CADM2: variants seen among roughly 807,000 people sequenced by gnomAD.
The protein encoded by CADM2 is cell adhesion molecule 2, also known as immunoglobulin superfamily member 4D.
Under a neutral mutation model 49.8 loss-of-function variants are expected in CADM2, and 12 were observed. The ratio of observed to expected loss-of-function variants is 0.24; its 90% confidence interval spans 0.15 to 0.39. The LOEUF (loss-of-function observed/expected upper bound fraction) is 0.39. CADM2 is among the 10% of genes least tolerant of loss of function. The probability of loss-of-function intolerance (pLI) is 1.00; values close to 1 mark genes in which losing one functional copy is unlikely to be tolerated. For synonymous variants in CADM2, 214 were observed against 175.4 expected (o/e 1.22, Z -1.74); for missense variants, 378 against 492.3 (o/e 0.77, Z 2.20).
intron 2 of CADM2, among the ~76,000 whole-genome samples, chr3:85,763,262 A>G (rs565939562): frequency 3.9e-5 from 6 of 152,278 alleles, no homozygotes; most frequent in African/African-American, 1.4e-4. Flanking sequence ...TCCAACTATG[A>G]TTATTTGGTA....
chr3:85,009,725 G>T (rs192776953), intron 1 of CADM2, among the ~76,000 whole-genome samples: 1 of 151,840 alleles, frequency 6.6e-6, no homozygotes, highest in Non-Finnish European at 1.5e-5. Context: ...AATCAACTGG[G>T]TGTGGCAGCG....
intron 8 of CADM2, among the ~76,000 whole-genome samples, chr3:85,970,537 G>GTT (rs955476671): frequency 3.5e-4 from 53 of 151,462 alleles, no homozygotes; most frequent in African/African-American, 1.2e-3. Flanking sequence ...TAAATTATAG[G>GTT]TTAGCAAGGT....
chr3:85,304,879 ACTCT>A (rs2044178001), intron 1 of CADM2, among the ~76,000 whole-genome samples: 1 of 151,586 alleles, frequency 6.6e-6, no homozygotes, highest in African/African-American at 2.4e-5. Context: ...TTTACTTATG[ACTCT>A]CTATTTCCAT....
rs527515511 is a variant in CADM2, at chr3:85,029,328, C to T, written c.61+69660C>T. On this transcript the variant is annotated intron_variant, in intron 1 of 9. Coordinates refer to ENST00000383699, the MANE Select transcript of CADM2 (RefSeq NM_001167675.2). ...ATTCATGCTTGGCATTTCATAAATC[C>T]AAAGAAAATTCTAAGTGTGAAAAAA... 2.3e-3 allele frequency among the ~76,000 whole-genome samples: 343 copies of T among 152,130 alleles called. 2 individuals are homozygous for T. The highest frequency in any genetic ancestry group is 3.8e-3 in the Non-Finnish European group (261 of 67,966).
chr3:86,012,460 G>A, intron 8 of CADM2: 1 of 633,626 alleles, frequency 1.6e-6, no homozygotes, highest in Non-Finnish European at 2.4e-6. Flanking sequence ...CGGCCCTGCA[G>A]AGCCGGCCGA....
chr3:86,058,084 T>G (rs114836408), intron 8 of CADM2, among the ~76,000 whole-genome samples: 2 of 152,294 alleles, frequency 1.3e-5, no homozygotes, highest in African/African-American at 4.8e-5. Context: ...CTGACACAGA[T>G]TAAATACTCA....
intron 3 of CADM2, among the ~76,000 whole-genome samples, chr3:85,817,446 T>C (rs1274161813): frequency 6.6e-6 from 1 of 152,128 alleles, no homozygotes; most frequent in Non-Finnish European, 1.5e-5. Flanking sequence ...CTCAGTGAGA[T>C]TGAATGGGCT....
At chr3:85,778,887 C>G (rs964796572) in intron 2 of CADM2, among the ~76,000 whole-genome samples, 1 of 152,164 alleles carries the variant, frequency 6.6e-6, no homozygotes, top group Non-Finnish European at 1.5e-5. Context: ...TAAAGACACA[C>G]TCTTCATACA....
chr3:85,431,634 T>A (rs1487944717), intron 1 of CADM2, among the ~76,000 whole-genome samples: 1 of 151,202 alleles, frequency 6.6e-6, no homozygotes, highest in African/African-American at 2.4e-5. Context: ...AAGGATTTAT[T>A]TGGAGCCTAA....
At chr3:85,982,795 T>C (rs1727638186) in intron 8 of CADM2, among the ~76,000 whole-genome samples, 1 of 151,632 alleles carries the variant, frequency 6.6e-6, no homozygotes. Flanking sequence ...AAATCATGAT[T>C]AAAAAGGATT....
Position 85,559,424 on chromosome 3 carries a change from T to C in CADM2, c.62-167098T>C, listed in dbSNP as rs555429730. Among the ~76,000 whole-genome samples, 5 of 152,178 alleles carry C rather than the reference T, an allele frequency of 3.3e-5. No individual in the cohort carries two copies. In the East Asian group the frequency reaches 7.7e-4, roughly 24 times the overall value. ...TCAGGCTAGCTTCTTAGGTGTCCATTTGATAAGACAGTAGTCTGTATTTTG... is the reference window on the plus strand; with the variant it reads ...TCAGGCTAGCTTCTTAGGTGTCCATCTGATAAGACAGTAGTCTGTATTTTG... On this transcript the variant is annotated intron_variant, in intron 1 of 9. Coordinates refer to ENST00000383699, the MANE Select transcript of CADM2 (RefSeq NM_001167675.2).
chr3:85,211,077 T>C (rs2107767974), intron 1 of CADM2, among the ~76,000 whole-genome samples: 1 of 152,232 alleles, frequency 6.6e-6, no homozygotes, highest in East Asian at 1.9e-4. Context: ...TGGCATATAA[T>C]GATCACTCAT....
At chr3:85,083,758 C>T (rs2037263312) in intron 1 of CADM2, among the ~76,000 whole-genome samples, 1 of 151,480 alleles carries the variant, frequency 6.6e-6, no homozygotes, top group South Asian at 2.1e-4. Flanking sequence ...CTTTATTGAC[C>T]CTAACTATTG....
At chr3:85,698,872 T>C (rs1178761738) in intron 1 of CADM2, among the ~76,000 whole-genome samples, 1 of 151,990 alleles carries the variant, frequency 6.6e-6, no homozygotes, top group Non-Finnish European at 1.5e-5. Context: ...TCCCCAAAAG[T>C]CTTAACTCAT....
intron 1 of CADM2, among the ~76,000 whole-genome samples, chr3:85,601,863 C>T (rs1331297593): frequency 2.0e-5 from 3 of 151,648 alleles, no homozygotes; most frequent in Non-Finnish European, 3.0e-5. Context: ...TTCTTTTAGT[C>T]ATTATCCTCA....
At chr3:85,292,999 G>C (rs757031206) in intron 1 of CADM2, among the ~76,000 whole-genome samples, 3 of 152,082 alleles carry the variant, frequency 2.0e-5, no homozygotes, top group Non-Finnish European at 2.9e-5. Context: ...ATGATTCCAG[G>C]AGCTGGTTTT....
intron 1 of CADM2, among the ~76,000 whole-genome samples, chr3:85,121,373 G>T (rs926927959): frequency 6.6e-6 from 1 of 152,156 alleles, no homozygotes; most frequent in African/African-American, 2.4e-5. Flanking sequence ...AACCTAAGAA[G>T]AAATTATTAC....
intron 1 of CADM2, among the ~76,000 whole-genome samples, chr3:85,664,311 C>A (rs2065498423): frequency 1.3e-5 from 2 of 152,000 alleles, no homozygotes; most frequent in African/African-American, 4.8e-5. Context: ...ACCACAAGTT[C>A]TATAGCTACA....
At chr3:85,016,526 C>T (rs947457131) in intron 1 of CADM2, among the ~76,000 whole-genome samples, 15 of 152,108 alleles carry the variant, frequency 9.9e-5, no homozygotes, top group African/African-American at 3.6e-4. Context: ...GGTGTGGTGG[C>T]TCATGCCTGT....
Sources: gnomAD v4.1 joint callset for allele counts (sites outside exome capture counted in the v4.1 genomes callset) on GRCh38, gnomAD v4.1.1 for gene constraint, MANE v1.5 for transcripts, NCBI Gene and HGNC (gene_info 2026-07-23, HGNC 2026-07-21) for gene names.